LIN7A: variants seen among roughly 807,000 people sequenced by gnomAD.
LIN7A encodes the protein protein lin-7 homolog A.
LIN7A carries 25 observed loss-of-function variants against 29.8 expected under a neutral mutation model. That is an observed-to-expected ratio of 0.84 (90% CI 0.61 to 1.17). The LOEUF is 1.17. Ranked by LOEUF, LIN7A falls within the 50% of genes most tolerant of loss-of-function variation. LIN7A has a pLI of 0.00. For synonymous variants in LIN7A, 118 were observed against 107.5 expected, an observed-to-expected ratio of 1.10 and a Z score of -0.60; for missense variants, 239 against 287.0, an observed-to-expected ratio of 0.83 and a Z score of 1.21.
intron 4 of LIN7A, among the ~76,000 whole-genome samples, chr12:80,816,370 C>T (rs1296506833): frequency 6.6e-6 from 1 of 151,578 alleles, no homozygotes; most frequent in East Asian, 1.9e-4. Context: ...ATGTTTGTGT[C>T]ACTGCACTCT....
At chr12:80,844,265 T>A (rs1361024340) in intron 4 of LIN7A, among the ~76,000 whole-genome samples, 2 of 152,102 alleles carry the variant, frequency 1.3e-5, no homozygotes, top group Non-Finnish European at 2.9e-5. Context: ...TCTCAAAACA[T>A]TATTACATAG....
At chr12:80,910,821 G>A (rs992591116) in intron 1 of LIN7A, among the ~76,000 whole-genome samples, 2 of 152,140 alleles carry the variant, frequency 1.3e-5, no homozygotes, top group Admixed American at 1.3e-4. Flanking sequence ...TCATATCCAT[G>A]AGAAATATTT....
intron 1 of LIN7A, among the ~76,000 whole-genome samples, chr12:80,913,201 C>T (rs1396878654): frequency 1.3e-5 from 2 of 152,164 alleles, no homozygotes; most frequent in Non-Finnish European, 2.9e-5. Context: ...CATGCATTTC[C>T]TTCTAACCAT....
At chr12:80,902,374 G>C (rs1047880324) in intron 1 of LIN7A, among the ~76,000 whole-genome samples, 2 of 151,944 alleles carry the variant, frequency 1.3e-5, no homozygotes, top group Admixed American at 6.6e-5. Context: ...TTGAAGTTTA[G>C]AATAGTTTTT....
intron 1 of LIN7A, among the ~76,000 whole-genome samples, chr12:80,932,702 G>A (rs1877980485): frequency 6.6e-6 from 1 of 152,184 alleles, no homozygotes; most frequent in Non-Finnish European, 1.5e-5. Context: ...AATTTGAAGA[G>A]TTATTTTGTA....
chr12:80,807,085 T>TTTTTGTTTTTG (rs1871072162), intron 5 of LIN7A, among the ~76,000 whole-genome samples: 1 of 141,436 alleles, frequency 7.1e-6, no homozygotes, highest in African/African-American at 2.6e-5. Context: ...TTTTTTTTTT[T>TTTTTGTTTTTG]TTTTTTGACG....
chr12:80,850,480 C>T (rs1565901214), intron 2 of LIN7A, among the ~76,000 whole-genome samples: 2 of 152,084 alleles, frequency 1.3e-5, no homozygotes, highest in South Asian at 4.1e-4. Context: ...AGTTCGTGAA[C>T]ACTGTTTACA....
intron 2 of LIN7A, among the ~76,000 whole-genome samples, chr12:80,870,028 A>G (rs1330487593): frequency 6.6e-6 from 1 of 152,214 alleles, no homozygotes; most frequent in Non-Finnish European, 1.5e-5. Flanking sequence ...AAGATATGGT[A>G]TATTTAACTT....
At chr12:80,823,575 C>T (rs1871918664) in intron 4 of LIN7A, among the ~76,000 whole-genome samples, 1 of 152,228 alleles carries the variant, frequency 6.6e-6, no homozygotes, top group Non-Finnish European at 1.5e-5. Flanking sequence ...CTGCATCTGA[C>T]TTGCCCCTGG....
intron 1 of LIN7A, among the ~76,000 whole-genome samples, chr12:80,903,298 T>C (rs1372236893): frequency 6.6e-6 from 1 of 152,020 alleles, no homozygotes; most frequent in African/African-American, 2.4e-5. Flanking sequence ...GGGGTTTTAG[T>C]GTAGCTATTA....
chr12:80,820,584 C>T (rs1871750494), intron 4 of LIN7A, among the ~76,000 whole-genome samples: 1 of 151,126 alleles, frequency 6.6e-6, no homozygotes, highest in Non-Finnish European at 1.5e-5. Context: ...GATGTCTGCA[C>T]CAAAAGGGGG....
chr12:80,878,690 C>T (rs920410826), intron 2 of LIN7A, among the ~76,000 whole-genome samples: 1 of 152,116 alleles, frequency 6.6e-6, no homozygotes, highest in East Asian at 1.9e-4. Context: ...CTGATTGGTC[C>T]ATTTTACAGA....
At chr12:80,897,350 A>C (rs1042890115) in intron 1 of LIN7A, among the ~76,000 whole-genome samples, 2 of 152,170 alleles carry the variant, frequency 1.3e-5, no homozygotes, top group African/African-American at 4.8e-5. Context: ...TCCCAGTGAA[A>C]TTAGCTTATT....
chr12:80,850,586 TG>T (rs1873281951), intron 2 of LIN7A, among the ~76,000 whole-genome samples: 1 of 152,138 alleles, frequency 6.6e-6, no homozygotes, highest in Admixed American at 6.6e-5. Flanking sequence ...TTGTCATAAA[TG>T]GGATGCTACT....
chr12:80,912,461 T>A (rs953233185), intron 1 of LIN7A, among the ~76,000 whole-genome samples: 1 of 152,030 alleles, frequency 6.6e-6, no homozygotes, highest in East Asian at 1.9e-4. Flanking sequence ...CACACCTGTA[T>A]TCCCAACAAT....
chr12:80,877,520 A>G (rs1323434569), intron 2 of LIN7A, among the ~76,000 whole-genome samples: 2 of 152,140 alleles, frequency 1.3e-5, no homozygotes, highest in Non-Finnish European at 2.9e-5. Context: ...CAATCAGACT[A>G]TATACAAATA....
intron 1 of LIN7A, among the ~76,000 whole-genome samples, chr12:80,907,755 G>C (rs1876560743): frequency 6.6e-6 from 1 of 151,952 alleles, no homozygotes; most frequent in African/African-American, 2.4e-5. Flanking sequence ...AGAGGAGAAT[G>C]GAAAATGAAG....
chr12:80,839,781 A>G (rs1461770838), intron 4 of LIN7A, among the ~76,000 whole-genome samples: 1 of 152,194 alleles, frequency 6.6e-6, no homozygotes, highest in East Asian at 1.9e-4. Flanking sequence ...TCAACTTGAT[A>G]TAGGTATTTA....
chr12:80,889,192 A>G, intron 2 of LIN7A, 59 bp downstream of exon 2: 1 of 895,060 alleles, frequency 1.1e-6, no homozygotes, highest in East Asian at 2.4e-5. Context: ...TAGAGAAGAC[A>G]TGTTTTCTAT....
Sources: allele counts gnomAD v4.1 joint callset (sites outside exome capture counted in the v4.1 genomes callset), GRCh38; gene constraint gnomAD v4.1.1; transcripts MANE v1.5; gene names NCBI Gene and HGNC (gene_info 2026-07-23, HGNC 2026-07-21).